SERPINB12: variants seen among roughly 807,000 people sequenced by gnomAD.
SERPINB12 encodes serpin family B member 12.
A neutral mutation model predicts 41.1 loss-of-function variants in SERPINB12; 57 were observed. The observed-to-expected ratio is 1.39, with a 90% CI of 1.12 to 1.73. The LOEUF (loss-of-function observed/expected upper bound fraction) is 1.73. Among genes scored for constraint, SERPINB12 ranks in the 40% most tolerant of loss-of-function variants. The probability of loss-of-function intolerance (pLI) is 0.00; values close to 1 mark genes in which losing one functional copy is unlikely to be tolerated. For synonymous variants in SERPINB12, 180 were observed against 181.3 expected (o/e 0.99, Z 0.06); for missense variants, 536 against 501.9 (o/e 1.07, Z -0.65).
chr18:63,535,425 G>C, the SERPINB12 span, among the ~76,000 whole-genome samples: 1 of 152,014 alleles, frequency 6.6e-6, no homozygotes, highest in Non-Finnish European at 1.5e-5. Context: ...CCAAAAATGC[G>C]TAACTCGAAT....
chr18:63,550,948 G>T (rs767477286), intron 1 of SERPINB12, among the ~76,000 whole-genome samples: 1 of 152,102 alleles, frequency 6.6e-6, no homozygotes, highest in Non-Finnish European at 1.5e-5. Flanking sequence ...GCCAGTTTTG[G>T]AACTTTATGT....
the SERPINB12 span, among the ~76,000 whole-genome samples, chr18:63,534,429 G>A: frequency 2.1e-3 from 316 of 152,214 alleles, 2 homozygotes; most frequent in Middle Eastern, 0.027. Context: ...TCACACAAAA[G>A]GACCAGATTT....
the SERPINB12 span, among the ~76,000 whole-genome samples, chr18:63,527,547 A>AT: frequency 1.3e-5 from 2 of 152,038 alleles, no homozygotes; most frequent in East Asian, 3.9e-4. Context: ...TTGTGGCAAT[A>AT]TTTTTTTTCC....
chr18:63,537,944 G>C (rs1363003271), upstream of SERPINB12, among the ~76,000 whole-genome samples: 1 of 152,040 alleles, frequency 6.6e-6, no homozygotes, highest in East Asian at 1.9e-4. Flanking sequence ...TATGGATGAG[G>C]CTTTTCTAAT....
intron 1 of SERPINB12, among the ~76,000 whole-genome samples, chr18:63,547,801 T>C (rs1005165694): frequency 6.6e-6 from 1 of 152,172 alleles, no homozygotes; most frequent in African/African-American, 2.4e-5. Context: ...CTGATTCTCT[T>C]ATGCAGAATC....
At chr18:63,528,206 A>G in the SERPINB12 span, among the ~76,000 whole-genome samples, 1 of 152,152 alleles carries the variant, frequency 6.6e-6, no homozygotes, top group African/African-American at 2.4e-5. Flanking sequence ...TCTAAGAAAA[A>G]TAAGTTTAGG....
chr18:63,526,589 A>C, the SERPINB12 span, among the ~76,000 whole-genome samples: 1 of 152,208 alleles, frequency 6.6e-6, no homozygotes, highest in African/African-American at 2.4e-5. Flanking sequence ...AAATGGGACA[A>C]ATCTATCCTG....
In SERPINB12 at chr18:63,568,436, CAAG is replaced by C. The variant is rs1255560144; in HGVS notation, c.*1429_*1431del. Among the ~76,000 whole-genome samples, 1 of 152,014 alleles carries C rather than the reference CAAG, an allele frequency of 6.6e-6. No homozygotes were observed. The highest frequency in any genetic ancestry group is 1.9e-4 in the East Asian group (1 of 5,176). ...CCAAAACAAAACCTGAAACCCTTGT[CAAG>C]AAGGCCATTGGGCTCATCTCAAGCT... On this transcript the variant is annotated 3_prime_UTR_variant, in exon 8 of 8. Transcript: ENST00000382768.
chr18:63,533,306 A>T, the SERPINB12 span, among the ~76,000 whole-genome samples: 2 of 152,274 alleles, frequency 1.3e-5, no homozygotes, highest in East Asian at 3.9e-4. Flanking sequence ...ATCGAACTTA[A>T]GTTCTGGTGG....
At position 63,567,849 on chromosome 18, in the gene SERPINB12, A is replaced by T. The variant is rs1472776656; in HGVS notation, c.*838A>T. Among the ~76,000 whole-genome samples the T allele has an allele frequency of 6.6e-6, 1 of 152,234 alleles. No homozygotes were observed. The highest frequency in any genetic ancestry group is 1.5e-5 in the Non-Finnish European group (1 of 68,038). On this transcript the variant is annotated 3_prime_UTR_variant, in exon 8 of 8. Coordinates refer to ENST00000382768, the MANE Select transcript of SERPINB12 (RefSeq NM_001307928.2). ...ATGCACCCAGCACAGGCAGGTGTCA[A>T]GAGAAGTGCTGCTGGCATTGTGGAC... is the stretch of plus-strand genomic sequence containing the variant.
chr18:63,561,294 G>C, intron 5 of SERPINB12, 92 bp downstream of exon 5: 2 of 741,348 alleles, frequency 2.7e-6, no homozygotes, highest in South Asian at 1.7e-5. Context: ...GTCTACTGGG[G>C]GCCAGAGGTT....
At chr18:63,566,506 T>G (rs2077549) in intron 7 of SERPINB12, 101 bp from the exon 8 acceptor site, 23 of 980,180 alleles carry the variant, frequency 2.3e-5, no homozygotes, top group Non-Finnish European at 3.2e-5. Flanking sequence ...TCTTGAAGGT[T>G]GTCACTGCCC....
At chr18:63,544,759 A>AT (rs916792786) in intron 1 of SERPINB12, among the ~76,000 whole-genome samples, 4 of 151,970 alleles carry the variant, frequency 2.6e-5, no homozygotes, top group African/African-American at 7.3e-5. Flanking sequence ...GTTTTAATAG[A>AT]TTTTTTCCTC....
Position 63,568,696 on chromosome 18 carries a change from C to T in SERPINB12, c.*1685C>T, listed in dbSNP as rs1033018806. Among the ~76,000 whole-genome samples the T allele has an allele frequency of 6.6e-6, 1 of 152,204 alleles. No individual in the cohort carries two copies. Among genetic ancestry groups the T allele is most frequent in the Non-Finnish European group, 1.5e-5 (1 of 68,036 alleles). ...GCCCACCTTGTGGCTGTCCTCCTCC[C>T]AGCTGCCACCAGTCGTTCAGTGTGG... On this transcript the variant is annotated 3_prime_UTR_variant, in exon 8 of 8. Transcript: ENST00000382768.
Position 63,556,230 on chromosome 18 carries a change from G to T in SERPINB12, c.71G>T (p.Arg24Leu). The T allele has an allele frequency of 6.2e-7, 1 of 1,613,820 alleles. No individual in the cohort carries two copies. The highest frequency in any genetic ancestry group is 8.5e-7 in the Non-Finnish European group (1 of 1,179,892). ...TTTCAAGAGATAGGCAAAGATGATC[G>T]TCATAAAAACATATTTTTCTCTCCC... Reference protein sequence around the residue: ...DLFQEIGKDDRHKNIFFSPLS... With the variant: ...DLFQEIGKDDLHKNIFFSPLS... The change falls in exon 2 of 8, where the codon CGT (arginine) becomes CTT (leucine). Residue 24 changes from arginine (R) to leucine (L), a missense_variant. Coordinates refer to ENST00000382768, the MANE Select transcript of SERPINB12 (RefSeq NM_001307928.2).
At chr18:63,554,241 G>T (rs779088329) in intron 1 of SERPINB12, among the ~76,000 whole-genome samples, 5 of 152,122 alleles carry the variant, frequency 3.3e-5, no homozygotes, top group African/African-American at 4.8e-5. Context: ...ACTTAGTTTG[G>T]GGCCAAATAT....
chr18:63,552,233 T>G (rs551615212), intron 1 of SERPINB12, among the ~76,000 whole-genome samples: 2 of 152,290 alleles, frequency 1.3e-5, no homozygotes, highest in Middle Eastern at 3.4e-3. Flanking sequence ...ATACGACAAA[T>G]GTAAGTTTCA....
At position 63,564,063 on chromosome 18, in the gene SERPINB12, A is replaced by G; in HGVS notation, c.648A>G (p.Lys216=). The change falls in exon 6 of 8, where the codon AAA becomes AAG. Residue 216 remains lysine (K), a synonymous_variant. Coordinates refer to ENST00000382768, the MANE Select transcript of SERPINB12 (RefSeq NM_001307928.2). ...TGAATGCTGTTTACTTCAAGGCCAAATGGGAAACATACTTTGACCATGAAA... is the reference window on the plus strand; with the variant it reads ...TGAATGCTGTTTACTTCAAGGCCAAGTGGGAAACATACTTTGACCATGAAA... ...VLVNAVYFKA[K]WETYFDHENT... 5 of 1,614,140 alleles carry G rather than the reference A, an allele frequency of 3.1e-6. No homozygotes were observed. Among genetic ancestry groups the G allele is most frequent in the Non-Finnish European group, 4.2e-6 (5 of 1,179,998 alleles).
chr18:63,561,891 G>T (rs1268713821), intron 5 of SERPINB12, among the ~76,000 whole-genome samples: 1 of 152,158 alleles, frequency 6.6e-6, no homozygotes, highest in Non-Finnish European at 1.5e-5. Context: ...ACTAACTTGG[G>T]TCAGGGAGGG....
Sources: allele counts gnomAD v4.1 joint callset (sites outside exome capture counted in the v4.1 genomes callset), GRCh38; gene constraint gnomAD v4.1.1; transcripts MANE v1.5; gene names NCBI Gene and HGNC (gene_info 2026-07-23, HGNC 2026-07-21).